LIMS1: variants seen among roughly 807,000 people sequenced by gnomAD.
LIMS1 encodes LIM and senescent cell antigen-like-containing domain protein 1.
Under a neutral mutation model 44.1 loss-of-function variants are expected in LIMS1, and 18 were observed. The observed-to-expected ratio is 0.41, with a 90% CI of 0.28 to 0.61. The LOEUF (loss-of-function observed/expected upper bound fraction) is 0.61. Ranked by LOEUF, LIMS1 falls within the 20% of genes least tolerant of loss-of-function variation. LIMS1 has a pLI of 0.32. For missense variants in LIMS1, 201 were observed against 422.0 expected (o/e 0.48, Z 4.59); for synonymous variants, 93 against 149.1 (o/e 0.62, Z 2.74).
In LIMS1 at chr2:108,676,541, G is replaced by A. The variant is rs768132676; in HGVS notation, c.682-65G>A. The A allele has an allele frequency of 7.3e-5, 112 of 1,525,154 alleles. 1 individual carries two copies. The highest frequency in any genetic ancestry group is 7.8e-5 in the Non-Finnish European group (89 of 1,134,676). 94.5% of individuals were successfully genotyped at this position (1,525,154 alleles called of 1,614,324 possible). On this transcript the variant is annotated intron_variant, in intron 6 of 9. Transcript: ENST00000544547. ...TCTTCTCTGAAAATAGGTTAACTCTGGTATTTACTTTATTAGATATAAAAT... is the reference window on the plus strand; with the variant it reads ...TCTTCTCTGAAAATAGGTTAACTCTAGTATTTACTTTATTAGATATAAAAT...
At position 108,683,149 on chromosome 2, in the gene LIMS1, A is replaced by C. The variant is rs565792170; in HGVS notation, c.900-736A>C. On this transcript the variant is annotated intron_variant, in intron 9 of 9. Transcript: ENST00000544547. Reference sequence around the variant, plus strand: ...ACATTTATGTTAAGAGTGATTAAAAACTTTCTTCCAACCTTTCTGTCAGAT... The same window carrying C: ...ACATTTATGTTAAGAGTGATTAAAACCTTTCTTCCAACCTTTCTGTCAGAT... 7.4e-4 allele frequency among the ~76,000 whole-genome samples: 113 copies of C among 152,298 alleles called. 2 individuals are homozygous for C. The highest frequency in any genetic ancestry group is 3.4e-3 in the Middle Eastern group (1 of 294).
At chr2:108,667,543 A>AT (rs1691850284) in intron 2 of LIMS1, among the ~76,000 whole-genome samples, 2 of 62,818 alleles carry the variant, frequency 3.2e-5, no homozygotes, top group African/African-American at 1.1e-4. Flanking sequence ...TTTTTTAAAA[A>AT]AAAAAAAAAT....
chr2:108,586,849 T>A (rs1686127987), intron 1 of LIMS1, among the ~76,000 whole-genome samples: 1 of 152,198 alleles, frequency 6.6e-6, no homozygotes, highest in Non-Finnish European at 1.5e-5. Flanking sequence ...GGACTGTCCC[T>A]GCTGGGAATG....
chr2:108,537,423 T>G (rs1684180209), intron 1 of LIMS1, among the ~76,000 whole-genome samples: 1 of 152,226 alleles, frequency 6.6e-6, no homozygotes, highest in Non-Finnish European at 1.5e-5. Flanking sequence ...TTTTGGCTAG[T>G]TTTAGTAGGA....
At chr2:108,683,944 C>A in exon 10 of LIMS1, 1 of 1,603,264 alleles carries the variant, frequency 6.2e-7, no homozygotes, top group Non-Finnish European at 8.5e-7. Context: ...GAGAAATTTC[C>A]ATTGGAGCTG....
At chr2:108,666,631 A>G (rs1417637151) in intron 2 of LIMS1, among the ~76,000 whole-genome samples, 1 of 122,502 alleles carries the variant, frequency 8.2e-6, no homozygotes, top group African/African-American at 3.2e-5. Flanking sequence ...TGTCTCTACA[A>G]AAAATAACAA....
At chr2:108,602,294 T>A (rs1687059285) in intron 1 of LIMS1, among the ~76,000 whole-genome samples, 1 of 152,230 alleles carries the variant, frequency 6.6e-6, no homozygotes, top group African/African-American at 2.4e-5. Flanking sequence ...TTTATTTCTC[T>A]TCTCTGATTG....
At chr2:108,615,920 C>A (rs141397266) in intron 1 of LIMS1, among the ~76,000 whole-genome samples, 3 of 152,148 alleles carry the variant, frequency 2.0e-5, no homozygotes, top group Non-Finnish European at 2.9e-5. Flanking sequence ...AGTTTCCAAA[C>A]GTGGAACTGT....
intron 1 of LIMS1, among the ~76,000 whole-genome samples, chr2:108,542,514 C>T (rs183978940): frequency 1.1e-4 from 16 of 152,264 alleles, no homozygotes; most frequent in Admixed American, 4.6e-4. Context: ...CCTGTAGAGC[C>T]CTGTGTCTCC....
At chr2:108,552,644 A>G (rs952924597) in intron 1 of LIMS1, among the ~76,000 whole-genome samples, 1 of 150,006 alleles carries the variant, frequency 6.7e-6, no homozygotes, top group Admixed American at 6.7e-5. Flanking sequence ...TCTGTCGGCC[A>G]TACTGCATGA....
intron 1 of LIMS1, among the ~76,000 whole-genome samples, chr2:108,612,133 G>C (rs1276486564): frequency 6.6e-6 from 1 of 150,892 alleles, no homozygotes; most frequent in African/African-American, 2.4e-5. Flanking sequence ...ATCAGGATTG[G>C]AGGATTAAAA....
chr2:108,582,051 T>C (rs187105706), intron 1 of LIMS1, among the ~76,000 whole-genome samples: 88 of 152,342 alleles, frequency 5.8e-4, no homozygotes, highest in South Asian at 3.5e-3. Context: ...AAATGTAAAG[T>C]TGATAAATGA....
intron 1 of LIMS1, among the ~76,000 whole-genome samples, chr2:108,568,978 G>A (rs374157163): frequency 4.3e-4 from 65 of 151,924 alleles, no homozygotes; most frequent in Non-Finnish European, 6.5e-4. Context: ...TGCAACCTCC[G>A]CCTCCCAGGT....
At chr2:108,612,054 A>T (rs2148853315) in intron 1 of LIMS1, among the ~76,000 whole-genome samples, 1 of 80,424 alleles carries the variant, frequency 1.2e-5, no homozygotes, top group East Asian at 2.4e-4. Context: ...ACACACACAC[A>T]TATATATATA....
intron 9 of LIMS1, among the ~76,000 whole-genome samples, chr2:108,683,681 CTT>C (rs974056598): frequency 6.6e-6 from 1 of 151,344 alleles, no homozygotes; most frequent in Non-Finnish European, 1.5e-5. Flanking sequence ...TTTATAAGGA[CTT>C]TTTTTTAAAA....
intron 1 of LIMS1, among the ~76,000 whole-genome samples, chr2:108,642,078 C>G (rs1420068251): frequency 6.6e-6 from 1 of 152,116 alleles, no homozygotes; most frequent in African/African-American, 2.4e-5. Context: ...ACCTGGAAGC[C>G]TTTGAATGCA....
At chr2:108,560,401 C>G (rs1203772464) in intron 1 of LIMS1, among the ~76,000 whole-genome samples, 1 of 152,114 alleles carries the variant, frequency 6.6e-6, no homozygotes, top group Non-Finnish European at 1.5e-5. Flanking sequence ...CCTCTGATCT[C>G]ATCTCCTACT....
intron 1 of LIMS1, among the ~76,000 whole-genome samples, chr2:108,566,236 T>G (rs533277001): frequency 6.6e-6 from 1 of 152,260 alleles, no homozygotes; most frequent in South Asian, 2.1e-4. Context: ...TTAAATGTGG[T>G]TCCTGGCATA....
intron 1 of LIMS1, among the ~76,000 whole-genome samples, chr2:108,580,188 C>T (rs1281393742): frequency 3.3e-5 from 5 of 152,164 alleles, no homozygotes; most frequent in African/African-American, 4.8e-5. Flanking sequence ...AGGGCTTTCC[C>T]GGTGTCTCTG....
Sources: gnomAD v4.1 joint callset for allele counts (sites outside exome capture counted in the v4.1 genomes callset) on GRCh38, gnomAD v4.1.1 for gene constraint, MANE v1.5 for transcripts, NCBI Gene and HGNC (gene_info 2026-07-23, HGNC 2026-07-21) for gene names.